UBE3A: variants seen among roughly 807,000 people sequenced by gnomAD.
UBE3A encodes the protein ubiquitin protein ligase E3A, also known as ubiquitin-protein ligase E3A.
UBE3A carries 6 observed loss-of-function variants against 83.4 expected under a neutral mutation model. That is an observed-to-expected ratio of 0.07 (90% CI 0.04 to 0.14). The LOEUF (loss-of-function observed/expected upper bound fraction) is 0.14. Ranked by LOEUF, UBE3A falls within the 10% of genes least tolerant of loss-of-function variation. The pLI, the probability that UBE3A is intolerant of heterozygous loss-of-function variation, is 1.00. For missense variants in UBE3A, 456 were observed against 1,036.1 expected (o/e 0.44, Z 7.69); for synonymous variants, 337 against 355.4 (o/e 0.95, Z 0.58).
At chr15:25,437,958 AAC>A (rs1455801575) in intron 1 of UBE3A, 7 of 152,484 alleles carry the variant, frequency 4.6e-5, no homozygotes, top group East Asian at 3.9e-4. Flanking sequence ...GGTGGCCGGT[AAC>A]ACAGAGTAAC....
At chr15:25,348,462 C>T (rs2076040745) in intron 11 of UBE3A, among the ~76,000 whole-genome samples, 1 of 152,044 alleles carries the variant, frequency 6.6e-6, no homozygotes, top group Admixed American at 6.5e-5. Flanking sequence ...AGTAAGAATA[C>T]CTTCTACCAA....
At chr15:25,401,984 T>C (rs1251320111) in intron 4 of UBE3A, among the ~76,000 whole-genome samples, 4 of 152,240 alleles carry the variant, frequency 2.6e-5, no homozygotes, top group Non-Finnish European at 4.4e-5. Flanking sequence ...TTGAAATTCA[T>C]TGAGCTTCCT....
At chr15:25,346,767 T>C (rs1413714340) in intron 11 of UBE3A, 3 of 151,570 alleles carry the variant, frequency 2.0e-5, no homozygotes, top group Admixed American at 6.6e-5. Flanking sequence ...AACAGTAGAG[T>C]GAAGATGACA....
chr15:25,356,607 A>C, intron 8 of UBE3A, 84 bp downstream of exon 8: 1 of 1,378,722 alleles, frequency 7.3e-7, no homozygotes, highest in Non-Finnish European at 1.0e-6. Context: ...TCTAAACAAA[A>C]ACTTTAAAAT....
At chr15:25,431,400 T>G (rs1037736761) in intron 1 of UBE3A, among the ~76,000 whole-genome samples, 1 of 152,170 alleles carries the variant, frequency 6.6e-6, no homozygotes, top group African/African-American at 2.4e-5. Context: ...TGGAGTGCAA[T>G]GGTGTGATCT....
chr15:25,375,516 A>C lies in UBE3A; in HGVS notation c.310T>G (p.Ser104Ala). The change falls in exon 5 of 13, where the codon TCC becomes GCC. Residue 104 changes from serine (S) to alanine (A), a missense_variant. Physicochemically the swap from Ser to Ala is moderately conservative, Grantham distance 99. Around this residue, in one of 13 missense-constraint regions of UBE3A, gnomAD observed 36 missense variants for 28.5 expected, o/e 1.26. Transcript: ENST00000648336. ...TTGTTCATTTTTATCTCAGAGCAGG[A>C]GTTGTTGGGGGCACCTTTCGAGTTC... ...LENSKGAPNNSCSEIKMNKKG... is the reference protein window; with the variant it reads ...LENSKGAPNNACSEIKMNKKG... 6.2e-7 allele frequency: 1 copy of C among 1,614,078 alleles called. No homozygotes were observed. Among genetic ancestry groups the C allele is most frequent in the Non-Finnish European group, 8.5e-7 (1 of 1,180,038 alleles).
intron 4 of UBE3A, among the ~76,000 whole-genome samples, chr15:25,386,732 A>G (rs2083217738): frequency 1.3e-5 from 2 of 152,040 alleles, no homozygotes; most frequent in African/African-American, 4.8e-5. Context: ...CCTGTAGAGG[A>G]AAAAAAGAAA....
intron 1 of UBE3A, among the ~76,000 whole-genome samples, chr15:25,420,418 T>G (rs1386537728): frequency 7.9e-5 from 12 of 152,112 alleles, no homozygotes; most frequent in African/African-American, 2.9e-4. Context: ...TAGTTGAAGA[T>G]TTCAACATTC....
At chr15:25,351,921 T>G (rs2076568887) in intron 11 of UBE3A, among the ~76,000 whole-genome samples, 1 of 152,026 alleles carries the variant, frequency 6.6e-6, no homozygotes, top group African/African-American at 2.4e-5. Context: ...TTGCTAGGTA[T>G]GGTGGCTCAC....
Position 25,409,209 on chromosome 15 carries a change from T to G in UBE3A, c.-100-2A>C. The G allele has an allele frequency of 9.0e-7, 1 of 1,105,478 alleles. No individual in the cohort carries two copies. Among genetic ancestry groups the G allele is most frequent in the Non-Finnish European group, 1.3e-6 (1 of 752,846 alleles). The allele number at this position is 1,105,478 out of a possible 1,614,324, so 68.5% of individuals were successfully genotyped here. On this transcript the variant is annotated splice_acceptor_variant, in intron 2 of 12. Coordinates refer to ENST00000648336, the MANE Select transcript of UBE3A (RefSeq NM_130839.5). LOFTEE classifies it low-confidence loss of function (5UTR_SPLICE). ...GATCTGAGCGTAGGCTTAATAACTC[T>G]AATAAATTAAACAAACCTTTGGTTA...
At chr15:25,382,162 CA>C (rs981945373) in intron 4 of UBE3A, among the ~76,000 whole-genome samples, 1 of 150,690 alleles carries the variant, frequency 6.6e-6, no homozygotes. Context: ...ACTAAAAATA[CA>C]AAAAAAAATT....
intron 3 of UBE3A, chr15:25,408,049 A>G (rs762513416): frequency 6.5e-6 from 1 of 153,360 alleles, no homozygotes; most frequent in Non-Finnish European, 1.5e-5. Context: ...CAACCTGGGC[A>G]ACATGATGAA....
intron 7 of UBE3A, among the ~76,000 whole-genome samples, chr15:25,357,946 C>T (rs797020990): frequency 3.5e-5 from 5 of 144,504 alleles, no homozygotes; most frequent in African/African-American, 1.3e-4. Flanking sequence ...GCTCTGTCGC[C>T]CAAGCTGGAG....
intron 1 of UBE3A, among the ~76,000 whole-genome samples, chr15:25,437,837 T>G (rs1296901477): frequency 6.6e-6 from 1 of 150,620 alleles, no homozygotes; most frequent in Non-Finnish European, 1.5e-5. Context: ...CCTTTTCATT[T>G]TCTACACTGA....
At chr15:25,359,462 T>TGTGTGTGA (rs1462484004) in intron 7 of UBE3A, among the ~76,000 whole-genome samples, 2 of 144,436 alleles carry the variant, frequency 1.4e-5, no homozygotes, top group East Asian at 2.0e-4. Flanking sequence ...TGTGTGTGTG[T>TGTGTGTGA]GACTAAGAAC....
intron 4 of UBE3A, among the ~76,000 whole-genome samples, chr15:25,376,948 A>G (rs1003870793): frequency 1.3e-5 from 2 of 152,238 alleles, no homozygotes; most frequent in African/African-American, 4.8e-5. Flanking sequence ...ACTAACTGAT[A>G]AAATTACCAT....
chr15:25,352,961 G>C (rs1188717987), intron 11 of UBE3A, among the ~76,000 whole-genome samples: 1 of 152,076 alleles, frequency 6.6e-6, no homozygotes, highest in African/African-American at 2.4e-5. Flanking sequence ...GTAAAATTAA[G>C]ACTTTAATTT....
chr15:25,376,267 A>AT (rs1017704044), intron 4 of UBE3A, among the ~76,000 whole-genome samples: 3 of 152,216 alleles, frequency 2.0e-5, no homozygotes, highest in African/African-American at 7.2e-5. Flanking sequence ...AATAAAAACT[A>AT]TTTTTCCCAA....
At chr15:25,437,105 T>A (rs975642888) in intron 1 of UBE3A, among the ~76,000 whole-genome samples, 7 of 152,216 alleles carry the variant, frequency 4.6e-5, no homozygotes, top group African/African-American at 1.7e-4. Flanking sequence ...ACTGTATTAG[T>A]GTTTCTTAAA....
Sources: gnomAD v4.1 joint callset for allele counts (sites outside exome capture counted in the v4.1 genomes callset) on GRCh38, gnomAD v4.1.1 for gene constraint, gnomAD v4.1.1 regional missense constraint, MANE v1.5 for transcripts, NCBI Gene and HGNC (gene_info 2026-07-23, HGNC 2026-07-21) for gene names.